The following FSTL4 variants were observed in gnomAD, a reference collection of about 807,000 sequenced individuals.
FSTL4 encodes the protein follistatin-related protein 4.
Under a neutral mutation model 78.2 loss-of-function variants are expected in FSTL4, and 28 were observed. The ratio of observed to expected loss-of-function variants is 0.36; its 90% CI spans 0.27 to 0.49. The LOEUF (loss-of-function observed/expected upper bound fraction) is 0.49, where lower values mean the gene tolerates loss of function less well. FSTL4 is among the 20% of genes least tolerant of loss of function. FSTL4 has a pLI of 0.98. For missense variants in FSTL4, 922 were observed against 1,084.9 expected (o/e 0.85, Z 2.11); for synonymous variants, 422 against 440.5 (o/e 0.96, Z 0.53).
In FSTL4 at chr5:133,455,536, G is replaced by A. The variant is rs540174713; in HGVS notation, c.161-54550C>T. 2.6e-5 allele frequency among the ~76,000 whole-genome samples: 4 copies of A among 152,176 alleles called. No homozygotes were observed. The South Asian group carries it at 6.2e-4, about 24-fold the overall frequency. ...ACATTTCTTAACATACATTGATTGC[G>A]TTTTCAAATACCTGCTAGAAAGGCC... On this transcript the variant is annotated intron_variant, in intron 3 of 15. Transcript: ENST00000265342.
At chr5:133,608,589 C>T (rs1413837559) in intron 1 of FSTL4, among the ~76,000 whole-genome samples, 1 of 152,176 alleles carries the variant, frequency 6.6e-6, no homozygotes, top group African/African-American at 2.4e-5. Context: ...AGTTTGGATT[C>T]TTTGTTTAGA....
intron 4 of FSTL4, among the ~76,000 whole-genome samples, chr5:133,397,355 T>G (rs959308795): frequency 6.6e-6 from 1 of 152,246 alleles, no homozygotes; most frequent in Admixed American, 6.5e-5. Context: ...CCACACCTCC[T>G]TTTGTCCCAG....
chr5:133,539,201 T>A (rs1396959716), intron 3 of FSTL4, among the ~76,000 whole-genome samples: 1 of 152,198 alleles, frequency 6.6e-6, no homozygotes, highest in Non-Finnish European at 1.5e-5. Context: ...TATAAGGATA[T>A]GCGTGATGAG....
chr5:133,403,446 C>T (rs1367199736), intron 3 of FSTL4, among the ~76,000 whole-genome samples: 2 of 152,212 alleles, frequency 1.3e-5, no homozygotes, highest in African/African-American at 4.8e-5. Flanking sequence ...CCTGCTCTGG[C>T]CTCAGGAGGT....
chr5:133,690,662 A>G, the FSTL4 span, among the ~76,000 whole-genome samples: 1 of 152,202 alleles, frequency 6.6e-6, no homozygotes, highest in African/African-American at 2.4e-5. Context: ...TGCAGGGCAA[A>G]CACGCAGGGG....
intron 4 of FSTL4, among the ~76,000 whole-genome samples, chr5:133,391,840 A>T (rs1171967869): frequency 6.6e-6 from 1 of 152,148 alleles, no homozygotes; most frequent in Non-Finnish European, 1.5e-5. Flanking sequence ...GCTCTGGCTA[A>T]CTGCCCTCCT....
chr5:133,370,801 T>C (rs968867243), intron 4 of FSTL4, among the ~76,000 whole-genome samples: 7 of 151,898 alleles, frequency 4.6e-5, no homozygotes, highest in Admixed American at 1.3e-4. Flanking sequence ...GTTTCAGGAA[T>C]GAGAAGAAGG....
chr5:133,491,186 A>G (rs1758259875), intron 3 of FSTL4, among the ~76,000 whole-genome samples: 1 of 152,212 alleles, frequency 6.6e-6, no homozygotes, highest in South Asian at 2.1e-4. Context: ...GTGTCACAAT[A>G]TCCCATTATT....
intron 4 of FSTL4, among the ~76,000 whole-genome samples, chr5:133,399,589 G>A (rs552144006): frequency 6.6e-6 from 1 of 152,224 alleles, no homozygotes; most frequent in Non-Finnish European, 1.5e-5. Flanking sequence ...GCTCAGGTGT[G>A]TCAGCATCAT....
Position 133,233,557 on chromosome 5 carries a change from C to T in FSTL4, c.895-20G>A, listed in dbSNP as rs368637657. 3.9e-5 allele frequency: 62 copies of T among 1,575,006 alleles called. No homozygotes were observed. The highest frequency in any genetic ancestry group is 2.5e-4 in the African/African-American group (16 of 64,230). On this transcript the variant is annotated intron_variant, in intron 7 of 15. Transcript: ENST00000265342. ...AAAGTCCTGCACAGGGCAAAGATGA[C>T]GATGAGACTGGCCTCTTTATTGAAC...
chr5:133,594,849 C>T (rs1580810851), intron 2 of FSTL4, among the ~76,000 whole-genome samples: 2 of 152,176 alleles, frequency 1.3e-5, no homozygotes, highest in East Asian at 3.8e-4. Flanking sequence ...GATAGCAGAG[C>T]TCAAACAAGC....
rs1751560541 is a variant in FSTL4 at position 133,233,487 on chromosome 5, G to A, written c.945C>T (p.His315=). Residue 315 remains histidine, a synonymous_variant, in exon 8 of 16, where the codon CAC becomes CAT. Coordinates refer to ENST00000265342, the MANE Select transcript of FSTL4 (RefSeq NM_015082.2). The stretch of plus-strand genomic sequence containing the variant: ...AAGCATGGCAGGTGTAATTGCCCAT[G>A]TGGATGGTGGTCACCTTGGTGATGT... ...SLYITKVTTI[H]MGNYTCHASG... is the part of the protein sequence containing the mutation. The A allele has an allele frequency of 3.1e-6, 5 of 1,614,162 alleles. No individual in the cohort carries two copies. Among genetic ancestry groups the A allele is most frequent in the East Asian group, 2.2e-5 (1 of 44,888 alleles).
At chr5:133,330,851 A>G (rs1580623594) in intron 4 of FSTL4, among the ~76,000 whole-genome samples, 1 of 152,322 alleles carries the variant, frequency 6.6e-6, no homozygotes, top group Middle Eastern at 3.4e-3. Flanking sequence ...ACTCCCAGGT[A>G]CTGTGATTTT....
chr5:133,490,761 T>G (rs772792051), intron 3 of FSTL4, among the ~76,000 whole-genome samples: 8 of 152,226 alleles, frequency 5.3e-5, no homozygotes, highest in Non-Finnish European at 1.2e-4. Context: ...AGTTGGTATT[T>G]GTTAAAACTT....
intron 6 of FSTL4, among the ~76,000 whole-genome samples, chr5:133,251,810 C>G (rs1486078663): frequency 1.3e-5 from 2 of 152,206 alleles, no homozygotes; most frequent in African/African-American, 2.4e-5. Context: ...GGCTGCCAGA[C>G]CAAGGTCCAA....
the FSTL4 span, among the ~76,000 whole-genome samples, chr5:133,827,022 C>A: frequency 2.6e-5 from 4 of 152,254 alleles, no homozygotes; most frequent in Non-Finnish European, 4.4e-5. Flanking sequence ...GACAGTCCCG[C>A]CCCAGGCCCA....
chr5:133,653,590 G>A, the FSTL4 span, among the ~76,000 whole-genome samples: 1 of 152,216 alleles, frequency 6.6e-6, no homozygotes, highest in Non-Finnish European at 1.5e-5. Flanking sequence ...ATCCTAAAAT[G>A]AAGTCAATCC....
At chr5:133,305,159 G>C (rs1307099323) in intron 6 of FSTL4, among the ~76,000 whole-genome samples, 1 of 152,222 alleles carries the variant, frequency 6.6e-6, no homozygotes, top group African/African-American at 2.4e-5. Context: ...GGCCTTCAAA[G>C]GCCAAGTCCA....
chr5:133,284,326 C>T (rs376346272), intron 6 of FSTL4, among the ~76,000 whole-genome samples: 14 of 152,350 alleles, frequency 9.2e-5, no homozygotes, highest in African/African-American at 3.4e-4. Flanking sequence ...CAAAGTGTTG[C>T]TTCCTCTAAT....
Sources: gnomAD v4.1 joint callset for allele counts (sites outside exome capture counted in the v4.1 genomes callset) on GRCh38, gnomAD v4.1.1 for gene constraint, MANE v1.5 for transcripts, NCBI Gene and HGNC (gene_info 2026-07-23, HGNC 2026-07-21) for gene names.